FARS2: variants seen among roughly 807,000 people sequenced by gnomAD.
FARS2 encodes the protein phenylalanine--tRNA ligase, mitochondrial.
FARS2 carries 40 observed loss-of-function variants against 46.4 expected under a neutral mutation model. That is an observed-to-expected ratio of 0.86 (90% CI 0.67 to 1.12). FARS2 has a LOEUF of 1.12. Ranked by LOEUF, FARS2 falls within the 50% of genes most tolerant of loss-of-function variation. The pLI is 0.00. For synonymous variants in FARS2, 234 were observed against 214.9 expected (o/e 1.09, Z -0.78); for missense variants, 513 against 567.9 (o/e 0.90, Z 0.98).
intron 6 of FARS2, among the ~76,000 whole-genome samples, chr6:5,734,834 C>T (rs983575454): frequency 8.5e-5 from 13 of 152,162 alleles, no homozygotes; most frequent in Non-Finnish European, 8.8e-5. Flanking sequence ...TACATACATA[C>T]ATGCATACAT....
chr6:5,442,667 G>A (rs1763908309), intron 4 of FARS2, among the ~76,000 whole-genome samples: 1 of 152,080 alleles, frequency 6.6e-6, no homozygotes, highest in Non-Finnish European at 1.5e-5. Flanking sequence ...CTTTCCTAGT[G>A]TTCTGTCAGA....
At chr6:5,483,557 C>T (rs928212653) in intron 4 of FARS2, among the ~76,000 whole-genome samples, 11 of 152,122 alleles carry the variant, frequency 7.2e-5, no homozygotes, top group African/African-American at 2.4e-4. Context: ...GTCCCAGCTA[C>T]TCAGGAAGCT....
chr6:5,522,176 C>G (rs1389870494), intron 4 of FARS2, among the ~76,000 whole-genome samples: 1 of 152,188 alleles, frequency 6.6e-6, no homozygotes. Context: ...CATGCACAGT[C>G]ATAAGCTCTG....
At chr6:5,341,236 T>TATATATATATATA (rs1455603737) in intron 1 of FARS2, among the ~76,000 whole-genome samples, 10 of 5,140 alleles carry the variant, frequency 1.9e-3, no homozygotes, top group Non-Finnish European at 3.2e-3. Context: ...TATATATATA[T>TATATATATATATA]TTTTTTTTTT....
At chr6:5,520,489 C>T (rs1269053614) in intron 4 of FARS2, among the ~76,000 whole-genome samples, 1 of 152,184 alleles carries the variant, frequency 6.6e-6, no homozygotes, top group African/African-American at 2.4e-5. Context: ...TTAAGAAAAA[C>T]TTCAAACATT....
At chr6:5,730,117 C>T (rs1760525180) in intron 6 of FARS2, among the ~76,000 whole-genome samples, 1 of 152,242 alleles carries the variant, frequency 6.6e-6, no homozygotes, top group African/African-American at 2.4e-5. Flanking sequence ...TGTTTGTTTA[C>T]TGAATGTTTA....
chr6:5,432,351 T>TATATATATAATATATTATATATATTA (rs1491454941), intron 4 of FARS2, among the ~76,000 whole-genome samples: 1 of 42,316 alleles, frequency 2.4e-5, no homozygotes, highest in Non-Finnish European at 4.9e-5. Flanking sequence ...TATATATATA[T>TATATATATAATATATTATATATATTA]TATATATATA....
rs548189509 is a variant in FARS2 at position 5,641,039 on chromosome 6, C to G, written c.1217+27719C>G. 3.4e-4 allele frequency among the ~76,000 whole-genome samples: 52 copies of G among 152,304 alleles called. 1 individual carries two copies. In the South Asian group the frequency reaches 5.8e-3, roughly 17 times the overall value. Reference sequence around the variant, plus strand: ...TCCTGACAAAGCCTCCCAGTGCAGGCTGGAGAGGAGGCCAGCTTGTCATCC... The same window carrying G: ...TCCTGACAAAGCCTCCCAGTGCAGGGTGGAGAGGAGGCCAGCTTGTCATCC... On this transcript the variant is annotated intron_variant, in intron 6 of 6. Coordinates refer to ENST00000274680, the MANE Select transcript of FARS2 (RefSeq NM_006567.5).
intron 6 of FARS2, among the ~76,000 whole-genome samples, chr6:5,613,679 C>T (rs1217832303): frequency 6.6e-6 from 1 of 152,186 alleles, no homozygotes; most frequent in East Asian, 1.9e-4. Flanking sequence ...TTTTGATAGT[C>T]TCTCAGCAAA....
At chr6:5,510,465 G>A (rs1266623841) in intron 4 of FARS2, among the ~76,000 whole-genome samples, 3 of 152,178 alleles carry the variant, frequency 2.0e-5, no homozygotes, top group Admixed American at 6.5e-5. Context: ...GAGTTCCGCC[G>A]CAGCCTGGCC....
intron 6 of FARS2, among the ~76,000 whole-genome samples, chr6:5,613,730 G>A (rs1421260068): frequency 4.6e-5 from 7 of 152,118 alleles, no homozygotes; most frequent in African/African-American, 1.2e-4. Context: ...TCTATATTAC[G>A]TCCTAGGAAT....
rs952346764 is a variant in FARS2 at position 5,343,211 on chromosome 6, T to C, written c.-21-25339T>C. On this transcript the variant is annotated intron_variant, in intron 1 of 6. Transcript: ENST00000274680. The surrounding 1 kb of genome is among the most constrained non-coding windows in gnomAD (Gnocchi z 4.5). ...GACAAAACTGTACATTTCATTTATT[T>C]ATCTATTTATTTATTTAGAGATGGA... Among the ~76,000 whole-genome samples, 2 of 152,184 alleles carry C rather than the reference T, an allele frequency of 1.3e-5. No homozygotes were observed. The highest frequency in any genetic ancestry group is 4.1e-4 in the South Asian group (2 of 4,828).
intron 6 of FARS2, among the ~76,000 whole-genome samples, chr6:5,660,082 A>T (rs898183439): frequency 3.9e-5 from 6 of 152,164 alleles, no homozygotes; most frequent in African/African-American, 1.4e-4. Flanking sequence ...TTCAAAGAGA[A>T]TGCCATCCAC....
At chr6:5,422,229 C>G (rs1751473098) in intron 3 of FARS2, among the ~76,000 whole-genome samples, 1 of 152,158 alleles carries the variant, frequency 6.6e-6, no homozygotes, top group African/African-American at 2.4e-5. Context: ...ATGGGAAAAC[C>G]TGCCCCCATG....
At chr6:5,675,416 G>C (rs1389903202) in intron 6 of FARS2, among the ~76,000 whole-genome samples, 1 of 152,164 alleles carries the variant, frequency 6.6e-6, no homozygotes, top group African/African-American at 2.4e-5. Context: ...TATCAGAATT[G>C]TTGAAGTGAG....
At chr6:5,565,860 C>T (rs1772291778) in intron 5 of FARS2, among the ~76,000 whole-genome samples, 1 of 152,096 alleles carries the variant, frequency 6.6e-6, no homozygotes, top group East Asian at 1.9e-4. Flanking sequence ...AGGAAAAAAC[C>T]TTTCATTAGC....
chr6:5,383,336 T>G (rs979926394), intron 2 of FARS2, among the ~76,000 whole-genome samples: 1 of 152,244 alleles, frequency 6.6e-6, no homozygotes, highest in South Asian at 2.1e-4. Context: ...AATAAAGGAC[T>G]GGAACTTTTG....
intron 1 of FARS2, among the ~76,000 whole-genome samples, chr6:5,362,274 A>G (rs1263803687): frequency 6.6e-6 from 1 of 152,068 alleles, no homozygotes; most frequent in Non-Finnish European, 1.5e-5. Context: ...GCTGTTTTTT[A>G]CCTTCATTGT....
chr6:5,508,334 ATCTT>A (rs1561672225), intron 4 of FARS2, among the ~76,000 whole-genome samples: 1 of 152,236 alleles, frequency 6.6e-6, no homozygotes, highest in Admixed American at 6.5e-5. Flanking sequence ...TCTCATCAGA[ATCTT>A]TCTTGTAGTC....
Sources: gnomAD v4.1 joint callset for allele counts (sites outside exome capture counted in the v4.1 genomes callset) on GRCh38, gnomAD v4.1.1 for gene constraint, Gnocchi (gnomAD v3.1) non-coding constraint, MANE v1.5 for transcripts, NCBI Gene and HGNC (gene_info 2026-07-23, HGNC 2026-07-21) for gene names.